Variants in OSBPL1A observed in about 807,000 individuals in gnomAD.
The protein encoded by OSBPL1A is oxysterol-binding protein-related protein 1.
A neutral mutation model predicts 137.1 loss-of-function variants in OSBPL1A; 80 were observed. The ratio of observed to expected loss-of-function variants is 0.58; its 90% CI spans 0.49 to 0.70. The LOEUF (loss-of-function observed/expected upper bound fraction) is 0.70. OSBPL1A is among the 30% of genes least tolerant of loss of function. The pLI, the probability that OSBPL1A is intolerant of heterozygous loss-of-function variation, is 0.00. For missense variants in OSBPL1A, 970 were observed against 1,129.4 expected, an observed-to-expected ratio of 0.86 and a Z score of 2.02; for synonymous variants, 365 against 389.7, an observed-to-expected ratio of 0.94 and a Z score of 0.75.
intron 1 of OSBPL1A, among the ~76,000 whole-genome samples, chr18:24,387,337 G>A (rs1323415971): frequency 2.0e-5 from 3 of 151,934 alleles, no homozygotes; most frequent in African/African-American, 2.4e-5. Flanking sequence ...TTACAGGCAT[G>A]AGCCACCATG....
chr18:24,258,226 A>G (rs1216022127), intron 15 of OSBPL1A, among the ~76,000 whole-genome samples: 1 of 152,220 alleles, frequency 6.6e-6, no homozygotes, highest in Non-Finnish European at 1.5e-5. Context: ...CTACGTGTCC[A>G]TCAACAGATG....
intron 4 of OSBPL1A, among the ~76,000 whole-genome samples, chr18:24,345,141 A>T (rs946769061): frequency 6.6e-6 from 1 of 152,100 alleles, no homozygotes; most frequent in Non-Finnish European, 1.5e-5. Context: ...AAAAAAAAAT[A>T]AAAAAATCAA....
chr18:24,224,097 C>T (rs1484276986), intron 17 of OSBPL1A, among the ~76,000 whole-genome samples: 1 of 152,056 alleles, frequency 6.6e-6, no homozygotes, highest in Non-Finnish European at 1.5e-5. Flanking sequence ...CTGTTTTTAT[C>T]TAGTTGGTTA....
chr18:24,322,203 G>A (rs573729602), intron 7 of OSBPL1A, among the ~76,000 whole-genome samples: 4 of 148,356 alleles, frequency 2.7e-5, no homozygotes, highest in Middle Eastern at 3.5e-3. Flanking sequence ...TCTGCCTCCC[G>A]GGTTCATGCT....
At chr18:24,375,801 T>C (rs1035020729) in intron 2 of OSBPL1A, among the ~76,000 whole-genome samples, 7 of 152,210 alleles carry the variant, frequency 4.6e-5, no homozygotes, top group South Asian at 4.1e-4. Flanking sequence ...TCAGACCTGC[T>C]GGGTCAACTG....
intron 6 of OSBPL1A, among the ~76,000 whole-genome samples, chr18:24,333,298 G>C (rs2091117081): frequency 6.6e-6 from 1 of 151,986 alleles, no homozygotes; most frequent in African/African-American, 2.4e-5. Flanking sequence ...CCTGTGTCCG[G>C]GTCTCACACT....
intron 3 of OSBPL1A, chr18:24,367,500 C>T (rs369523157): frequency 1.3e-5 from 2 of 151,618 alleles, no homozygotes; most frequent in East Asian, 3.9e-4. Flanking sequence ...AAACATTAGC[C>T]AGGTGTGGAG....
chr18:24,321,437 C>T (rs973535288), intron 7 of OSBPL1A, among the ~76,000 whole-genome samples: 9 of 152,186 alleles, frequency 5.9e-5, no homozygotes, highest in African/African-American at 2.2e-4. Context: ...GCTGGAACTG[C>T]AGTCATGTGT....
At chr18:24,192,017 C>T (rs1218810210) in intron 18 of OSBPL1A, among the ~76,000 whole-genome samples, 1 of 152,158 alleles carries the variant, frequency 6.6e-6, no homozygotes, top group Non-Finnish European at 1.5e-5. Context: ...AAGAATGATA[C>T]AACACTTTTC....
At position 24,242,336 on chromosome 18, in the gene OSBPL1A, T is replaced by TA. The variant is rs573041454; in HGVS notation, c.1282-2955dup. On this transcript the variant is annotated intron_variant, in intron 15 of 27. Transcript: ENST00000319481. Reference sequence around the variant, plus strand: ...AACAAAAAAGATTCAGTTAGGGGGTTAAAAAAAAAAAAGAAAGAAAGAAAA... The same window carrying TA: ...AACAAAAAAGATTCAGTTAGGGGGTTAAAAAAAAAAAAAGAAAGAAAGAAAA... Among the ~76,000 whole-genome samples, 621 of 142,786 alleles carry TA rather than the reference T, an allele frequency of 4.3e-3. 1 individual carries two copies. Among genetic ancestry groups the TA allele is most frequent in the African/African-American group, 0.013 (504 of 38,932 alleles). 93.7% of individuals were successfully genotyped at this position (142,786 alleles called of 152,430 possible).
rs567199550 is a variant in OSBPL1A, at chr18:24,351,992, A to G, written c.283-10334T>C. Among the ~76,000 whole-genome samples the G allele has an allele frequency of 3.3e-5, 5 of 152,328 alleles. No individual in the cohort carries two copies. In the South Asian group the frequency reaches 1.0e-3, roughly 32 times the overall value. On this transcript the variant is annotated intron_variant, in intron 4 of 27. Transcript: ENST00000319481. ...TAGGCTAAGAGAATGAAAAAGGTGAAGTAGCTTTGGCAAGGATTAAGAATG... is the reference window on the plus strand; with the variant it reads ...TAGGCTAAGAGAATGAAAAAGGTGAGGTAGCTTTGGCAAGGATTAAGAATG...
chr18:24,167,312 A>C lies in OSBPL1A; in HGVS notation c.2535+17T>G, dbSNP rs767375904. The C allele has an allele frequency of 2.5e-6, 4 of 1,604,698 alleles. No individual in the cohort carries two copies. In the South Asian group the frequency reaches 4.4e-5, roughly 18 times the overall value. On this transcript the variant is annotated intron_variant, in intron 25 of 27. Coordinates refer to ENST00000319481, the MANE Select transcript of OSBPL1A (RefSeq NM_080597.4). ...AAACACAGACAGTGAGGCCACAGCC[A>C]GCAAGCCCAGTCTCACCTGGGCAGA...
chr18:24,294,529 C>T (rs912998436), intron 14 of OSBPL1A, among the ~76,000 whole-genome samples: 6 of 152,124 alleles, frequency 3.9e-5, no homozygotes, highest in African/African-American at 9.7e-5. Flanking sequence ...CCACTGTGCC[C>T]GGTCCAATAT....
chr18:24,385,513 A>G (rs920245244), intron 1 of OSBPL1A, among the ~76,000 whole-genome samples: 2 of 152,202 alleles, frequency 1.3e-5, no homozygotes, highest in African/African-American at 4.8e-5. Context: ...ATTTAAGGCA[A>G]AGGAGGCCAG....
Position 24,271,031 on chromosome 18 carries a change from G to T in OSBPL1A, c.1281+9811C>A, listed in dbSNP as rs2089705840. Reference sequence around the variant, plus strand: ...ATGCTAGGAAACGTGATTCCCCGCTGGTTTAGGCTACAAAGAAAGCCTGTG... The same window carrying T: ...ATGCTAGGAAACGTGATTCCCCGCTTGTTTAGGCTACAAAGAAAGCCTGTG... On this transcript the variant is annotated intron_variant, in intron 15 of 27. Coordinates refer to ENST00000319481, the MANE Select transcript of OSBPL1A (RefSeq NM_080597.4). This position sits in a 1 kb window ranked among gnomAD's most constrained non-coding sequence, Gnocchi z 4.0. Among the ~76,000 whole-genome samples, 4 of 152,098 alleles carry T rather than the reference G, an allele frequency of 2.6e-5. No homozygotes were observed. Among genetic ancestry groups the T allele is most frequent in the Admixed American group, 2.6e-4 (4 of 15,268 alleles).
At chr18:24,365,168 C>T (rs139460462) in intron 4 of OSBPL1A, among the ~76,000 whole-genome samples, 4 of 151,712 alleles carry the variant, frequency 2.6e-5, no homozygotes, top group Admixed American at 6.6e-5. Context: ...TGTATCCATA[C>T]AGTGGAATAT....
intron 5 of OSBPL1A, among the ~76,000 whole-genome samples, chr18:24,338,499 C>A (rs377589032): frequency 9.2e-5 from 14 of 152,226 alleles, no homozygotes; most frequent in African/African-American, 3.4e-4. Context: ...CAATCCAAGT[C>A]ATTATTTCTA....
chr18:24,273,736 T>C (rs1465060846), intron 15 of OSBPL1A, among the ~76,000 whole-genome samples: 1 of 152,156 alleles, frequency 6.6e-6, no homozygotes, highest in African/African-American at 2.4e-5. Context: ...AATGATACAA[T>C]ATGATAAATG....
chr18:24,171,911 A>T (rs2086295632), intron 22 of OSBPL1A, among the ~76,000 whole-genome samples: 3 of 151,308 alleles, frequency 2.0e-5, no homozygotes, highest in African/African-American at 7.3e-5. Context: ...ATGGGCTTCT[A>T]GTCATTCAAG....
Sources: gnomAD v4.1 joint callset for allele counts (sites outside exome capture counted in the v4.1 genomes callset) on GRCh38, gnomAD v4.1.1 for gene constraint, Gnocchi (gnomAD v3.1) non-coding constraint, MANE v1.5 for transcripts, NCBI Gene and HGNC (gene_info 2026-07-23, HGNC 2026-07-21) for gene names.